Variants in SPARCL1 observed in about 807,000 individuals in gnomAD.
SPARCL1 encodes the protein SPARC-like protein 1.
A neutral mutation model predicts 67.1 loss-of-function variants in SPARCL1; 52 were observed. The observed-to-expected ratio is 0.78, with a 90% confidence interval of 0.62 to 0.98. SPARCL1 has a LOEUF of 0.98. SPARCL1 is among the 50% of genes least tolerant of loss of function. SPARCL1 has a pLI of 0.00. For missense variants in SPARCL1, 717 were observed against 782.4 expected (o/e 0.92, Z 1.00); for synonymous variants, 226 against 267.8 (o/e 0.84, Z 1.52).
chr4:87,481,954 C>A (rs912290012), intron 8 of SPARCL1, among the ~76,000 whole-genome samples: 2 of 152,196 alleles, frequency 1.3e-5, no homozygotes, highest in African/African-American at 4.8e-5. Context: ...CACTCAATAA[C>A]TATCTGGTGA....
chr4:87,503,545 A>G (rs1246991780), intron 1 of SPARCL1, among the ~76,000 whole-genome samples: 2 of 152,092 alleles, frequency 1.3e-5, no homozygotes, highest in Admixed American at 6.5e-5. Flanking sequence ...CCATTTCACA[A>G]CAGATGACTT....
chr4:87,519,110 T>C (rs1190403803), intron 1 of SPARCL1, among the ~76,000 whole-genome samples: 6 of 151,936 alleles, frequency 3.9e-5, no homozygotes, highest in African/African-American at 1.5e-4. Flanking sequence ...CTTGCTCTGT[T>C]GCCCAGGCTG....
Position 87,480,519 on chromosome 4 carries a change from AC to A in SPARCL1, c.1669del (p.Val557SerfsTer22). On this transcript the variant is annotated frameshift_variant and splice_region_variant, in exon 9 of 11. Transcript: ENST00000282470. LOFTEE classifies it high-confidence loss of function. ...GYLNEKQRNK[V>X]KKIYLDEKRL... ...CTTTTCATCCAGGTAAATTTTCTTG[AC>A]CTGGGATTAGGAAGGCAGAAGACTG... The A allele has an allele frequency of 6.2e-7, 1 of 1,606,362 alleles. No individual in the cohort carries two copies. Among genetic ancestry groups the A allele is most frequent in the East Asian group, 2.2e-5 (1 of 44,766 alleles).
intron 1 of SPARCL1, among the ~76,000 whole-genome samples, chr4:87,518,413 G>C (rs979379490): frequency 3.9e-5 from 6 of 152,124 alleles, no homozygotes; most frequent in African/African-American, 1.4e-4. Context: ...GTTATCTCAG[G>C]CTATCATAAC....
intron 1 of SPARCL1, among the ~76,000 whole-genome samples, chr4:87,510,946 G>A (rs1725324138): frequency 6.6e-6 from 1 of 152,238 alleles, no homozygotes. Context: ...GTTTGCTCCT[G>A]CTGGTGCCAA....
chr4:87,499,289 T>C (rs868289459), intron 2 of SPARCL1, among the ~76,000 whole-genome samples: 1 of 152,226 alleles, frequency 6.6e-6, no homozygotes, highest in Non-Finnish European at 1.5e-5. Context: ...TAGCCCAAAC[T>C]TTCTGCTGCA....
chr4:87,491,099 A>T (rs980077357), intron 5 of SPARCL1, among the ~76,000 whole-genome samples: 2 of 152,182 alleles, frequency 1.3e-5, no homozygotes, highest in African/African-American at 4.8e-5. Flanking sequence ...ATTATTTTAC[A>T]TGATAATCTA....
chr4:87,511,955 CTCTT>C (rs777514710), intron 1 of SPARCL1, among the ~76,000 whole-genome samples: 1 of 114,342 alleles, frequency 8.7e-6, no homozygotes, highest in Non-Finnish European at 1.7e-5. Context: ...CTTTCCTTTC[CTCTT>C]TCTTTCTCTT....
intron 2 of SPARCL1, among the ~76,000 whole-genome samples, chr4:87,497,528 A>C (rs1724670930): frequency 6.6e-6 from 1 of 152,246 alleles, no homozygotes; most frequent in Non-Finnish European, 1.5e-5. Flanking sequence ...ATTTCTATTT[A>C]TTTAACTCTG....
At chr4:87,506,798 T>G (rs1725099635) in intron 1 of SPARCL1, among the ~76,000 whole-genome samples, 1 of 148,740 alleles carries the variant, frequency 6.7e-6, no homozygotes, top group South Asian at 2.1e-4. Flanking sequence ...TCTATCTATC[T>G]ATCTATCTAT....
intron 1 of SPARCL1, among the ~76,000 whole-genome samples, chr4:87,501,913 A>G (rs1457089650): frequency 6.6e-6 from 1 of 151,702 alleles, no homozygotes; most frequent in African/African-American, 2.4e-5. Context: ...TCTCTTCAAC[A>G]GTGTGTCTAT....
At chr4:87,475,033 C>T (rs1026485718) in intron 10 of SPARCL1, among the ~76,000 whole-genome samples, 7 of 152,172 alleles carry the variant, frequency 4.6e-5, no homozygotes, top group African/African-American at 1.7e-4. Flanking sequence ...TGAGCCACCG[C>T]GCCTGGCCTG....
In SPARCL1 at chr4:87,499,597, G is replaced by T; in HGVS notation, c.-11-12C>A. ...CATGCTTTCCAGATCTGTGAACCAA[G>T]AAGATAATTATCAGTGGCAGGGAAA... On this transcript the variant is annotated splice_polypyrimidine_tract_variant and intron_variant, in intron 1 of 10. Coordinates refer to ENST00000282470, the MANE Select transcript of SPARCL1 (RefSeq NM_004684.6). The T allele has an allele frequency of 7.0e-6, 11 of 1,579,076 alleles. No homozygotes were observed. The highest frequency in any genetic ancestry group is 9.4e-6 in the Non-Finnish European group (11 of 1,168,240).
intron 1 of SPARCL1, 56 bp from the exon 2 acceptor site, chr4:87,499,641 T>C: frequency 7.9e-7 from 1 of 1,262,418 alleles, no homozygotes; most frequent in Non-Finnish European, 1.1e-6. Context: ...CATGAAAAAC[T>C]GAAAGATAGT....
chr4:87,497,789 T>C (rs1220160734), intron 2 of SPARCL1, among the ~76,000 whole-genome samples: 1 of 152,238 alleles, frequency 6.6e-6, no homozygotes, highest in Non-Finnish European at 1.5e-5. Flanking sequence ...GCAGTCTTGC[T>C]CTGTCACCCA....
In SPARCL1 at chr4:87,529,255, G is replaced by A. The variant is rs1726176918; in HGVS notation, c.-222C>T. 6.6e-6 allele frequency: 1 copy of A among 152,208 alleles called. No individual in the cohort carries two copies. The highest frequency in any genetic ancestry group is 1.5e-5 in the Non-Finnish European group (1 of 68,042). 9.4% of individuals were successfully genotyped at this position (152,208 alleles called of 1,614,324 possible). A position where few individuals can be genotyped will look rare whatever the true frequency, so the allele number is the denominator to read the frequency against. On this transcript the variant is annotated 5_prime_UTR_variant, in exon 1 of 11. Coordinates refer to ENST00000282470, the MANE Select transcript of SPARCL1 (RefSeq NM_004684.6). Reference sequence around the variant, plus strand: ...CTGTCAACTAGTGGGGGTCTGAAGTGACAGACGAGAATTTGGAGGTTGGCA... The same window carrying A: ...CTGTCAACTAGTGGGGGTCTGAAGTAACAGACGAGAATTTGGAGGTTGGCA...
intron 1 of SPARCL1, among the ~76,000 whole-genome samples, chr4:87,519,321 C>T (rs1484526227): frequency 6.6e-6 from 1 of 152,174 alleles, no homozygotes; most frequent in Non-Finnish European, 1.5e-5. Context: ...ATCCACCTGA[C>T]TCAGCCTCCC....
At chr4:87,479,162 TCACACG>T (rs547523869) in intron 10 of SPARCL1, among the ~76,000 whole-genome samples, 138 of 152,332 alleles carry the variant, frequency 9.1e-4, no homozygotes, top group African/African-American at 3.3e-3. Context: ...AATTCTGGAT[TCACACG>T]TCTTTCTAGG....
At chr4:87,482,811 G>C (rs550371930) in intron 7 of SPARCL1, among the ~76,000 whole-genome samples, 1 of 152,300 alleles carries the variant, frequency 6.6e-6, no homozygotes, top group East Asian at 1.9e-4. Flanking sequence ...TGGGCATCAG[G>C]ATGTTTTTAA....
Sources: gnomAD v4.1 joint callset for allele counts (sites outside exome capture counted in the v4.1 genomes callset) on GRCh38, gnomAD v4.1.1 for gene constraint, MANE v1.5 for transcripts, NCBI Gene and HGNC (gene_info 2026-07-23, HGNC 2026-07-21) for gene names.